PCNX2: variants seen among roughly 807,000 people sequenced by gnomAD.
PCNX2 encodes pecanex 2.
Under a neutral mutation model 223.8 loss-of-function variants are expected in PCNX2, and 168 were observed. The ratio of observed to expected loss-of-function variants is 0.75; its 90% CI spans 0.66 to 0.85. The LOEUF (loss-of-function observed/expected upper bound fraction) is 0.85, where lower values mean the gene tolerates loss of function less well. PCNX2 is among the 40% of genes least tolerant of loss of function. The pLI is 0.00. For missense variants in PCNX2, 2,507 were observed against 2,675.5 expected, an observed-to-expected ratio of 0.94 and a Z score of 1.39; for synonymous variants, 1,006 against 1,052.6, an observed-to-expected ratio of 0.96 and a Z score of 0.86.
chr1:233,171,983 T>C (rs1420787494), intron 17 of PCNX2, among the ~76,000 whole-genome samples: 1 of 152,172 alleles, frequency 6.6e-6, no homozygotes, highest in Non-Finnish European at 1.5e-5. Flanking sequence ...GTGTGGGGTG[T>C]GTGGTGGTGT....
intron 26 of PCNX2, among the ~76,000 whole-genome samples, chr1:233,017,524 G>A (rs954380667): frequency 6.6e-6 from 1 of 151,966 alleles, no homozygotes; most frequent in African/African-American, 2.4e-5. Flanking sequence ...CACCATGTTA[G>A]CCAGGATGGT....
At chr1:233,066,669 T>G (rs1304070120) in intron 23 of PCNX2, among the ~76,000 whole-genome samples, 1 of 152,190 alleles carries the variant, frequency 6.6e-6, no homozygotes, top group Admixed American at 6.5e-5. Context: ...TCCAGGCCAG[T>G]AGCGCAAACC....
intron 12 of PCNX2, 34 bp from the exon 13 acceptor site, chr1:233,208,723 C>T: frequency 1.3e-6 from 2 of 1,503,780 alleles, no homozygotes; most frequent in Non-Finnish European, 1.8e-6. Context: ...AATGGTACCT[C>T]TTATTTTGAT....
chr1:233,287,620 A>C (rs1661520979), intron 1 of PCNX2, among the ~76,000 whole-genome samples: 1 of 152,158 alleles, frequency 6.6e-6, no homozygotes, highest in African/African-American at 2.4e-5. Flanking sequence ...AAACTGTGAG[A>C]CCATTAAACC....
intron 12 of PCNX2, among the ~76,000 whole-genome samples, chr1:233,208,914 T>TA (rs1681667505): frequency 7.3e-6 from 1 of 136,128 alleles, no homozygotes; most frequent in African/African-American, 2.8e-5. Flanking sequence ...AATGAGACTA[T>TA]CAAAAAAAAA....
intron 28 of PCNX2, among the ~76,000 whole-genome samples, chr1:233,003,313 A>AAACAACC (rs1403019696): frequency 6.6e-6 from 1 of 152,052 alleles, no homozygotes; most frequent in Non-Finnish European, 1.5e-5. Flanking sequence ...TTATAAGAAA[A>AAACAACC]AAACAACCCC....
chr1:233,009,548 C>G (rs1346737039), intron 28 of PCNX2, among the ~76,000 whole-genome samples: 1 of 152,176 alleles, frequency 6.6e-6, no homozygotes, highest in East Asian at 1.9e-4. Flanking sequence ...AGCAATAGTT[C>G]TCTGCTCGGA....
chr1:233,257,469 C>G (rs544919240), intron 5 of PCNX2, among the ~76,000 whole-genome samples: 6 of 152,226 alleles, frequency 3.9e-5, no homozygotes, highest in Middle Eastern at 3.4e-3. Context: ...AAATGAGAAC[C>G]CTTCCAGGCA....
intron 16 of PCNX2, among the ~76,000 whole-genome samples, chr1:233,178,601 G>GAAC (rs1297731677): frequency 2.0e-5 from 3 of 152,128 alleles, no homozygotes; most frequent in African/African-American, 7.2e-5. Context: ...GCCAGATTGG[G>GAAC]AACAACAACA....
chr1:233,187,610 T>C (rs887504997), intron 15 of PCNX2, among the ~76,000 whole-genome samples: 3 of 152,158 alleles, frequency 2.0e-5, no homozygotes, highest in African/African-American at 7.2e-5. Context: ...TTCTGAGCTA[T>C]CAATCAATAT....
chr1:233,287,826 C>T (rs1056147288), intron 1 of PCNX2, among the ~76,000 whole-genome samples: 1 of 152,102 alleles, frequency 6.6e-6, no homozygotes, highest in East Asian at 1.9e-4. Context: ...CCTCTCTTTG[C>T]TAGTTTCATT....
Position 233,252,686 on chromosome 1 carries a change from G to T in PCNX2, c.1937C>A (p.Thr646Asn). Residue 646 changes from threonine to asparagine, a missense_variant, in exon 6 of 34, where the codon ACT (threonine) becomes AAT (asparagine). Physicochemically the swap from Thr to Asn is moderately conservative, Grantham distance 65. Coordinates refer to ENST00000258229, the MANE Select transcript of PCNX2 (RefSeq NM_014801.4). The stretch of plus-strand genomic sequence containing the variant: ...CTGAGTGCATGCGGGGCCGGTGCTA[G>T]TATGGTCTTGACTTTGCAAATCTGG... ...GKPDLQSQDH[T>N]STGPACTQPA... The T allele has an allele frequency of 1.5e-5, 25 of 1,613,912 alleles. No individual in the cohort carries two copies. Among genetic ancestry groups the T allele is most frequent in the Non-Finnish European group, 2.1e-5 (25 of 1,179,846 alleles).
Position 233,059,691 on chromosome 1 carries a change from G to A in PCNX2, c.4077-2401C>T, listed in dbSNP as rs184211017. On this transcript the variant is annotated intron_variant, in intron 23 of 33. Transcript: ENST00000258229. ...TATTTGCAGAATAAATTATTGAATG[G>A]TCAAAGATAAGGCTACTTCTGAAGT... Among the ~76,000 whole-genome samples, 381 of 152,286 alleles carry A rather than the reference G, an allele frequency of 2.5e-3. 1 individual carries two copies. The highest frequency in any genetic ancestry group is 9.0e-3 in the African/African-American group (376 of 41,550).
At chr1:233,284,773 T>C (rs1661359804) in intron 1 of PCNX2, among the ~76,000 whole-genome samples, 1 of 152,078 alleles carries the variant, frequency 6.6e-6, no homozygotes, top group African/African-American at 2.4e-5. Flanking sequence ...TGAAGTGAGG[T>C]GTGCTCATGC....
chr1:233,090,948 C>T (rs75742121), intron 22 of PCNX2, among the ~76,000 whole-genome samples: 2,823 of 152,234 alleles, frequency 0.019, 31 homozygotes, highest in East Asian at 0.042. Context: ...GGTGATTAGT[C>T]GCGAGGAGCC....
At chr1:233,061,772 T>A (rs1243992241) in intron 23 of PCNX2, among the ~76,000 whole-genome samples, 1 of 152,144 alleles carries the variant, frequency 6.6e-6, no homozygotes, top group Non-Finnish European at 1.5e-5. Flanking sequence ...GTTTTTGTTT[T>A]TTTTGAGACA....
chr1:233,077,862 G>C (rs575468647), intron 23 of PCNX2, among the ~76,000 whole-genome samples: 100 of 146,604 alleles, frequency 6.8e-4, no homozygotes, highest in African/African-American at 2.5e-3. Context: ...TTTACAGGGA[G>C]AGCCAAACAC....
At chr1:233,186,891 A>G (rs1280640781) in intron 15 of PCNX2, among the ~76,000 whole-genome samples, 1 of 151,104 alleles carries the variant, frequency 6.6e-6, no homozygotes, top group Non-Finnish European at 1.5e-5. Flanking sequence ...ATAGAAATGC[A>G]CACACACACA....
chr1:233,038,046 G>T (rs1283948492), intron 25 of PCNX2, among the ~76,000 whole-genome samples: 1 of 152,148 alleles, frequency 6.6e-6, no homozygotes, highest in Non-Finnish European at 1.5e-5. Flanking sequence ...GACTATTCTT[G>T]TGGAAGGGTC....
Sources: gnomAD v4.1 joint callset for allele counts (sites outside exome capture counted in the v4.1 genomes callset) on GRCh38, gnomAD v4.1.1 for gene constraint, MANE v1.5 for transcripts, NCBI Gene and HGNC (gene_info 2026-07-23, HGNC 2026-07-21) for gene names.